Variants in NHS observed in about 807,000 individuals in gnomAD.
NHS encodes actin remodeling regulator NHS.
In NHS, 5 loss-of-function variants were observed where a neutral mutation model predicts 72.5. The observed-to-expected ratio is 0.07, with a 90% CI of 0.04 to 0.14. NHS has a LOEUF of 0.14. Among genes scored for constraint, NHS ranks in the 10% least tolerant of loss-of-function variants. The pLI is 1.00. For missense variants in NHS, 1,072 were observed against 1,355.7 expected (o/e 0.79, Z 3.29); for synonymous variants, 464 against 547.7 (o/e 0.85, Z 2.13).
intron 1 of NHS, among the ~76,000 whole-genome samples, chrX:17,437,531 T>C (rs926777240): frequency 8.1e-5 from 9 of 111,319 alleles, no homozygotes; most frequent in African/African-American, 2.9e-4. Context: ...GGGGCCCAGA[T>C]CCAGGACAGG....
At chrX:17,432,134 C>T (rs1299469473) in intron 1 of NHS, among the ~76,000 whole-genome samples, 1 of 112,398 alleles carries the variant, frequency 8.9e-6, no homozygotes, top group Non-Finnish European at 1.9e-5. Flanking sequence ...TTTGTGTGAC[C>T]CTGGACAAAC....
At chrX:17,413,408 C>CT (rs891813111) in intron 1 of NHS, among the ~76,000 whole-genome samples, 1 of 111,881 alleles carries the variant, frequency 8.9e-6, no homozygotes, top group African/African-American at 3.3e-5. Context: ...TTCACATGGA[C>CT]TTTTTTAATG....
At position 17,727,860 on chromosome X, in the gene NHS, C is replaced by A. The variant is rs753445018; in HGVS notation, c.3754C>A (p.Arg1252Ser). Reference protein sequence around the residue: ...LDSNVTKDQVRTETEPIPENT... With the variant: ...LDSNVTKDQVSTETEPIPENT... ...TTCAAATGTCACAAAAGACCAAGTG[C>A]GTACAGAGACTGAGCCTATTCCAGA... Residue 1252 changes from arginine to serine, a missense_variant, in exon 7 of 9, where the codon CGT becomes AGT. Coordinates refer to ENST00000676302, the MANE Select transcript of NHS (RefSeq NM_001291867.2). The A allele has an allele frequency of 8.3e-7, 1 of 1,211,504 alleles. No individual in the cohort carries two copies. The highest frequency in any genetic ancestry group is 1.8e-5 in the South Asian group (1 of 56,975).
intron 1 of NHS, among the ~76,000 whole-genome samples, chrX:17,392,144 CTCTGTAGTTTGTT>C (rs1291945722): frequency 1.8e-5 from 2 of 111,676 alleles, no homozygotes; most frequent in African/African-American, 3.3e-5. Flanking sequence ...CTAAGCAACC[CTCTGTAGTTTGTT>C]TCTGTAGTTT....
At chrX:17,697,369 T>A (rs1366267566) in intron 3 of NHS, among the ~76,000 whole-genome samples, 2 of 111,663 alleles carry the variant, frequency 1.8e-5, no homozygotes, top group Non-Finnish European at 3.8e-5. Flanking sequence ...AAACTAGGGA[T>A]CTTGTGAAAC....
At position 17,735,700 on chromosome X, in the gene NHS, C is replaced by T. The variant is rs772238737; in HGVS notation, c.*3236C>T. The T allele has an allele frequency of 8.9e-6, 1 of 112,417 alleles. No individual in the cohort carries two copies. Among genetic ancestry groups the T allele is most frequent in the Non-Finnish European group, 1.9e-5 (1 of 53,268 alleles). The allele number at this position is 112,417 out of a possible 1,213,427, so 9.3% of individuals were successfully genotyped here. A position where few individuals can be genotyped will look rare whatever the true frequency, so the allele number is the denominator to read the frequency against. On this transcript the variant is annotated 3_prime_UTR_variant, in exon 9 of 9. Coordinates refer to ENST00000676302, the MANE Select transcript of NHS (RefSeq NM_001291867.2). ...GGTACTAGAACCAGTTCATGCTGGC[C>T]GAAACGACAATGGTTTATGGACTTG...
At chrX:17,382,769 A>T (rs755474555) in intron 1 of NHS, among the ~76,000 whole-genome samples, 1 of 112,198 alleles carries the variant, frequency 8.9e-6, no homozygotes, top group Non-Finnish European at 1.9e-5. Flanking sequence ...CATTCTGTAC[A>T]GTAGACATTG....
chrX:17,687,488 G>A, intron 1 of NHS: 2 of 419,498 alleles, frequency 4.8e-6, no homozygotes, highest in South Asian at 6.5e-5. Flanking sequence ...GTACGGAGAG[G>A]AAATTAGCTA....
At chrX:17,592,979 G>A (rs57066766) in intron 1 of NHS, among the ~76,000 whole-genome samples, 52,135 of 110,425 alleles carry the variant, frequency 0.47, 9,631 homozygotes, top group East Asian at 0.7. Context: ...ATAAAAACCT[G>A]AACATTTTTC....
At chrX:17,444,112 A>T (rs1047015760) in intron 1 of NHS, among the ~76,000 whole-genome samples, 5 of 112,213 alleles carry the variant, frequency 4.5e-5, no homozygotes, top group African/African-American at 1.6e-4. Flanking sequence ...TCTGTAAAGC[A>T]GAGGAGGGCA....
At chrX:17,421,067 CT>C (rs373932643) in intron 1 of NHS, among the ~76,000 whole-genome samples, 1,496 of 106,219 alleles carry the variant, frequency 0.014, 30 homozygotes, top group African/African-American at 0.048. Context: ...TACTTGCCAT[CT>C]TTTTTTTTTC....
chrX:17,629,322 C>T (rs1424163449), intron 1 of NHS, among the ~76,000 whole-genome samples: 1 of 112,058 alleles, frequency 8.9e-6, no homozygotes. Context: ...GCATATTGTT[C>T]TCTTTTTTGC....
chrX:17,643,991 C>T (rs1346225574), intron 1 of NHS, among the ~76,000 whole-genome samples: 1 of 112,391 alleles, frequency 8.9e-6, no homozygotes, highest in Non-Finnish European at 1.9e-5. Context: ...AAGTTGCTTG[C>T]AGGGACTATA....
intron 1 of NHS, among the ~76,000 whole-genome samples, chrX:17,424,156 G>T (rs905429639): frequency 1.8e-5 from 2 of 112,232 alleles, no homozygotes; most frequent in African/African-American, 6.5e-5. Flanking sequence ...GAAGGAGAAG[G>T]ATTCCTTGAA....
intron 1 of NHS, among the ~76,000 whole-genome samples, chrX:17,506,960 A>G (rs1483632836): frequency 8.9e-6 from 1 of 111,917 alleles, no homozygotes; most frequent in Admixed American, 9.5e-5. Flanking sequence ...AAGGCTGGGG[A>G]AAAAAACACC....
chrX:17,712,174 T>C (rs2066333095), intron 3 of NHS, among the ~76,000 whole-genome samples: 1 of 99,207 alleles, frequency 1.0e-5, no homozygotes, highest in Admixed American at 1.1e-4. Flanking sequence ...TAGTCCACAG[T>C]GTGGTTTCCT....
At chrX:17,523,326 G>A (rs2065158817) in intron 1 of NHS, among the ~76,000 whole-genome samples, 1 of 111,854 alleles carries the variant, frequency 8.9e-6, no homozygotes, top group South Asian at 3.8e-4. Flanking sequence ...ATGATTGGGT[G>A]GACACAGCAG....
rs1389900417 is a variant in NHS, at chrX:17,721,505, A to G, written c.980A>G (p.His327Arg). 8.3e-7 allele frequency: 1 copy of G among 1,211,590 alleles called. No homozygotes were observed. Among genetic ancestry groups the G allele is most frequent in the East Asian group, 3.0e-5 (1 of 33,813 alleles). ...GGGCAGAGGCCGAAAAACCCAATAC[A>G]CAATATCCCTTCCACACTGGACAAG... is the stretch of plus-strand genomic sequence containing the variant. ...MLGQRPKNPIHNIPSTLDKQT... is the reference protein window; with the variant it reads ...MLGQRPKNPIRNIPSTLDKQT... Residue 327 changes from histidine to arginine, a missense_variant, in exon 5 of 9, where the codon CAC (histidine) becomes CGC (arginine). Coordinates refer to ENST00000676302, the MANE Select transcript of NHS (RefSeq NM_001291867.2).
At position 17,692,326 on chromosome X, in the gene NHS, C is replaced by T. The variant is rs201582484; in HGVS notation, c.719-9C>T. 9 of 1,210,187 alleles carry T rather than the reference C, an allele frequency of 7.4e-6. No homozygotes were observed. Among genetic ancestry groups the T allele is most frequent in the Non-Finnish European group, 7.8e-6 (7 of 895,019 alleles). On this transcript the variant is annotated splice_polypyrimidine_tract_variant and intron_variant, in intron 2 of 8. Coordinates refer to ENST00000676302, the MANE Select transcript of NHS (RefSeq NM_001291867.2). Reference sequence around the variant, plus strand: ...GTATTTCAGTATTACTGCTTTTTCTCCTTCTCAGAACACCGGAGCCGGAGC... The same window carrying T: ...GTATTTCAGTATTACTGCTTTTTCTTCTTCTCAGAACACCGGAGCCGGAGC...
Sources: gnomAD v4.1 joint callset for allele counts (sites outside exome capture counted in the v4.1 genomes callset) on GRCh38, gnomAD v4.1.1 for gene constraint, MANE v1.5 for transcripts, NCBI Gene and HGNC (gene_info 2026-07-23, HGNC 2026-07-21) for gene names.